Variants in PTPRJ observed in about 807,000 individuals in gnomAD.
The protein encoded by PTPRJ is receptor-type tyrosine-protein phosphatase eta.
A neutral mutation model predicts 141.3 loss-of-function variants in PTPRJ; 129 were observed. The observed-to-expected ratio is 0.91, with a 90% confidence interval of 0.79 to 1.06. PTPRJ has a LOEUF of 1.06. Ranked by LOEUF, PTPRJ falls within the 50% of genes least tolerant of loss-of-function variation. The pLI is 0.00. For missense variants in PTPRJ, 1,601 were observed against 1,679.7 expected (o/e 0.95, Z 0.82); for synonymous variants, 610 against 640.5 (o/e 0.95, Z 0.72).
At chr11:48,045,044 C>G (rs892181800) in intron 1 of PTPRJ, among the ~76,000 whole-genome samples, 2 of 152,162 alleles carry the variant, frequency 1.3e-5, no homozygotes, top group African/African-American at 4.8e-5. Context: ...TGAGTAGCAC[C>G]TTTGGGGTAC....
Position 48,041,002 on chromosome 11 carries a change from C to T in PTPRJ, c.96+59994C>T, listed in dbSNP as rs150034511. 1.9e-3 allele frequency among the ~76,000 whole-genome samples: 292 copies of T among 152,104 alleles called. 2 individuals are homozygous for T. The highest frequency in any genetic ancestry group is 6.7e-3 in the African/African-American group (276 of 41,486). The stretch of plus-strand genomic sequence containing the variant: ...TATGGACCTTTTAGGCTGGCTGCAC[C>T]CTCCGTCTGTGTCACCCTCCTGCTC... On this transcript the variant is annotated intron_variant, in intron 1 of 24. Coordinates refer to ENST00000418331, the MANE Select transcript of PTPRJ (RefSeq NM_002843.4).
Position 48,136,062 on chromosome 11 carries a change from C to A in PTPRJ, c.1639C>A (p.His547Asn). 6.2e-7 allele frequency: 1 copy of A among 1,614,104 alleles called. No individual in the cohort carries two copies. The change falls in exon 9 of 25, where the codon CAC becomes AAC. Residue 547 changes from histidine to asparagine, a missense_variant. His to Asn is a moderately conservative substitution (Grantham distance 68, BLOSUM62 1). Transcript: ENST00000418331. ...AGTTCCCAGTGCAGTGTTTGACATC[C>A]ACGTGGTCTACGTCACCACCACGGA... Reference protein sequence around the residue: ...RTVPSAVFDIHVVYVTTTEMW... With the variant: ...RTVPSAVFDINVVYVTTTEMW...
chr11:48,133,419 C>T (rs1312729393), intron 8 of PTPRJ, among the ~76,000 whole-genome samples: 1 of 151,982 alleles, frequency 6.6e-6, no homozygotes, highest in Non-Finnish European at 1.5e-5. Flanking sequence ...TCAAAGGACC[C>T]GTTTCATTCA....
chr11:48,090,165 C>T (rs77584602), intron 1 of PTPRJ, among the ~76,000 whole-genome samples: 226 of 152,280 alleles, frequency 1.5e-3, no homozygotes, highest in Non-Finnish European at 2.7e-3. Context: ...GAGCAGCCCT[C>T]GAGGGCAGAC....
At chr11:48,166,666 A>G (rs1417051863) in intron 24 of PTPRJ, among the ~76,000 whole-genome samples, 1 of 151,842 alleles carries the variant, frequency 6.6e-6, no homozygotes, top group Non-Finnish European at 1.5e-5. Context: ...CTCCTCTTAT[A>G]ATATCATGGA....
intron 14 of PTPRJ, among the ~76,000 whole-genome samples, 171 bp downstream of exon 14, chr11:48,145,295 C>T (rs1470035542): frequency 1.3e-5 from 2 of 152,150 alleles, no homozygotes; most frequent in East Asian, 1.9e-4. Context: ...ACTGGGCTTC[C>T]TCCTCCGAGG....
At chr11:48,162,128 C>T (rs1438832299) in intron 22 of PTPRJ, among the ~76,000 whole-genome samples, 3 of 152,102 alleles carry the variant, frequency 2.0e-5, no homozygotes, top group Non-Finnish European at 2.9e-5. Flanking sequence ...TTGTTTTGTT[C>T]CTGGCTCTGA....
intron 1 of PTPRJ, among the ~76,000 whole-genome samples, chr11:48,042,380 A>G (rs1220084455): frequency 6.6e-6 from 1 of 152,086 alleles, no homozygotes; most frequent in African/African-American, 2.4e-5. Context: ...GTATTTTTCT[A>G]ATGTTTGAAC....
At chr11:48,083,006 TG>T (rs1257013927) in intron 1 of PTPRJ, among the ~76,000 whole-genome samples, 1 of 152,186 alleles carries the variant, frequency 6.6e-6, no homozygotes, top group Non-Finnish European at 1.5e-5. Context: ...CTAAGTGAGA[TG>T]ACCTCTGAGG....
At chr11:48,084,817 T>C (rs780202154) in intron 1 of PTPRJ, among the ~76,000 whole-genome samples, 5 of 152,196 alleles carry the variant, frequency 3.3e-5, no homozygotes, top group Non-Finnish European at 5.9e-5. Flanking sequence ...CTTGAGGGGA[T>C]TGCCTTTTTC....
intron 12 of PTPRJ, among the ~76,000 whole-genome samples, chr11:48,144,311 T>G (rs1857301378): frequency 6.6e-6 from 1 of 152,236 alleles, no homozygotes; most frequent in African/African-American, 2.4e-5. Context: ...GCAGCCAGAC[T>G]GACCAGTGCT....
chr11:48,144,765 C>T lies in PTPRJ; in HGVS notation c.2666C>T (p.Thr889Ile). The T allele has an allele frequency of 1.9e-6, 3 of 1,614,052 alleles. No individual in the cohort carries two copies. The highest frequency in any genetic ancestry group is 1.7e-6 in the Non-Finnish European group (2 of 1,179,958). Reference sequence around the variant, plus strand: ...ACTTATGTGACATACCTCATAAGAACAGAAGAAAAGGGACGTTCTCAGAGC... The same window carrying T: ...ACTTATGTGACATACCTCATAAGAATAGAAGAAAAGGGACGTTCTCAGAGC... ...SDTYVTYLIR[T>I]EEKGRSQSLS... The change falls in exon 13 of 25, where the codon ACA (threonine) becomes ATA (isoleucine). Residue 889 changes from threonine (T) to isoleucine (I), a missense_variant. Coordinates refer to ENST00000418331, the MANE Select transcript of PTPRJ (RefSeq NM_002843.4).
rs1208879490 is a variant in PTPRJ at position 48,048,780 on chromosome 11, C to T, written c.97-61278C>T. Among the ~76,000 whole-genome samples, 10 of 152,044 alleles carry T rather than the reference C, an allele frequency of 6.6e-5. No individual in the cohort carries two copies. The South Asian group carries it at 8.3e-4, about 13-fold the overall frequency. ...CTGCACTCCAGCCTGGGTGACAGAG[C>T]GAGACTCCATCTCAAGAATAAAAAT... On this transcript the variant is annotated intron_variant, in intron 1 of 24. Coordinates refer to ENST00000418331, the MANE Select transcript of PTPRJ (RefSeq NM_002843.4).
chr11:48,153,195 C>T (rs894765242), intron 18 of PTPRJ, among the ~76,000 whole-genome samples: 1 of 151,970 alleles, frequency 6.6e-6, no homozygotes, highest in Non-Finnish European at 1.5e-5. Flanking sequence ...CTGACTAAAA[C>T]CAGGGGTTTA....
Position 48,146,903 on chromosome 11 carries a change from G to A in PTPRJ, c.2939G>A (p.Cys980Tyr), listed in dbSNP as rs766750114. Residue 980 changes from cysteine (C) to tyrosine (Y), a missense_variant, in exon 15 of 25, where the codon TGT (cysteine) becomes TAT (tyrosine). Coordinates refer to ENST00000418331, the MANE Select transcript of PTPRJ (RefSeq NM_002843.4). ...GTCATCTGTGGAGCGGTTTTTGGCT[G>A]TATCTTTGGTGCCCTGGTTATTGTG... Reference protein sequence around the residue: ...PGVICGAVFGCIFGALVIVTV... With the variant: ...PGVICGAVFGYIFGALVIVTV... The A allele has an allele frequency of 3.1e-6, 5 of 1,614,102 alleles. No homozygotes were observed. Among genetic ancestry groups the A allele is most frequent in the Admixed American group, 3.3e-5 (2 of 60,018 alleles).
At chr11:48,064,466 G>T (rs931305468) in intron 1 of PTPRJ, among the ~76,000 whole-genome samples, 1 of 152,160 alleles carries the variant, frequency 6.6e-6, no homozygotes, top group Non-Finnish European at 1.5e-5. Flanking sequence ...AGCTCACCAT[G>T]GGCTGAACTT....
intron 1 of PTPRJ, among the ~76,000 whole-genome samples, chr11:48,105,732 G>A (rs769839971): frequency 3.9e-5 from 6 of 152,090 alleles, no homozygotes; most frequent in Non-Finnish European, 7.4e-5. Flanking sequence ...GCTCTGTGCC[G>A]CAGATCTCTG....
chr11:48,105,107 C>T (rs577548185), intron 1 of PTPRJ, among the ~76,000 whole-genome samples: 9 of 152,230 alleles, frequency 5.9e-5, no homozygotes, highest in Non-Finnish European at 1.0e-4. Context: ...GCATTAGATT[C>T]TCACACAGGG....
At chr11:48,155,416 G>A (rs1409276684) in intron 19 of PTPRJ, among the ~76,000 whole-genome samples, 1 of 152,162 alleles carries the variant, frequency 6.6e-6, no homozygotes, top group African/African-American at 2.4e-5. Flanking sequence ...GGCTTGTAGG[G>A]TGGTTTTGAG....
Sources: gnomAD v4.1 joint callset for allele counts (sites outside exome capture counted in the v4.1 genomes callset) on GRCh38, gnomAD v4.1.1 for gene constraint, MANE v1.5 for transcripts, NCBI Gene and HGNC (gene_info 2026-07-23, HGNC 2026-07-21) for gene names.